NEGR1: variants seen among roughly 807,000 people sequenced by gnomAD.
NEGR1 encodes neuronal growth regulator 1.
NEGR1 carries 10 observed loss-of-function variants against 40.9 expected under a neutral mutation model. The ratio of observed to expected loss-of-function variants is 0.24; its 90% CI spans 0.15 to 0.42. The LOEUF is 0.42. Ranked by LOEUF, NEGR1 falls within the 10% of genes least tolerant of loss-of-function variation. NEGR1 has a pLI of 1.00. For missense variants in NEGR1, 352 were observed against 438.9 expected (o/e 0.80, Z 1.77); for synonymous variants, 185 against 166.8 (o/e 1.11, Z -0.84).
intron 2 of NEGR1, among the ~76,000 whole-genome samples, chr1:71,863,149 A>C (rs961168303): frequency 6.6e-5 from 10 of 152,264 alleles, no homozygotes; most frequent in African/African-American, 2.2e-4. Context: ...ACATGCATGC[A>C]TATGTTCATT....
At chr1:71,576,192 T>C (rs1648961405) in intron 6 of NEGR1, among the ~76,000 whole-genome samples, 1 of 152,148 alleles carries the variant, frequency 6.6e-6, no homozygotes, top group Admixed American at 6.5e-5. Flanking sequence ...GCTGGAAAAG[T>C]GAATCTTGAC....
chr1:71,431,147 T>C (rs1226783079), intron 6 of NEGR1, among the ~76,000 whole-genome samples: 2 of 150,872 alleles, frequency 1.3e-5, no homozygotes, highest in Non-Finnish European at 2.9e-5. Context: ...GCAATAAATA[T>C]GTATTCCCTG....
intron 4 of NEGR1, among the ~76,000 whole-genome samples, chr1:71,686,646 T>C (rs1024577662): frequency 1.3e-5 from 2 of 152,130 alleles, no homozygotes; most frequent in African/African-American, 4.8e-5. Flanking sequence ...GACAATGTAG[T>C]CCAAGCAGTA....
intron 1 of NEGR1, among the ~76,000 whole-genome samples, chr1:72,077,141 G>T (rs1489438395): frequency 6.6e-6 from 1 of 151,800 alleles, no homozygotes. Context: ...TGATCCATCC[G>T]CCTCGGCCTC....
chr1:71,629,094 G>T (rs1650886571), intron 4 of NEGR1, among the ~76,000 whole-genome samples: 1 of 150,948 alleles, frequency 6.6e-6, no homozygotes, highest in Non-Finnish European at 1.5e-5. Context: ...CTTTTTACTG[G>T]TTGCCATTCT....
intron 5 of NEGR1, among the ~76,000 whole-genome samples, chr1:71,609,882 C>T (rs1476298895): frequency 6.6e-6 from 1 of 152,182 alleles, no homozygotes; most frequent in Non-Finnish European, 1.5e-5. Flanking sequence ...GTGATTAGAT[C>T]ATGGGGGCAG....
chr1:71,532,814 G>T (rs1031083562), intron 6 of NEGR1, among the ~76,000 whole-genome samples: 3 of 151,566 alleles, frequency 2.0e-5, no homozygotes, highest in African/African-American at 4.8e-5. Flanking sequence ...AGAAGGTCTT[G>T]TTTAATGGAA....
chr1:71,474,730 A>AC (rs1448563828), intron 6 of NEGR1, among the ~76,000 whole-genome samples: 2 of 150,576 alleles, frequency 1.3e-5, no homozygotes, highest in East Asian at 3.9e-4. Flanking sequence ...AAAAAAAAAA[A>AC]AAAAAAAACA....
rs553657434 is a variant in NEGR1, at chr1:71,569,070, C to T, written c.940+23747G>A. Among the ~76,000 whole-genome samples, 161 of 152,114 alleles carry T rather than the reference C, an allele frequency of 1.1e-3. 1 individual carries two copies. The highest frequency in any genetic ancestry group is 2.0e-3 in the Non-Finnish European group (133 of 67,994). On this transcript the variant is annotated intron_variant, in intron 6 of 6. Coordinates refer to ENST00000357731, the MANE Select transcript of NEGR1 (RefSeq NM_173808.3). ...TAGCTGGGACTACAGGCACATGCCA[C>T]GATGCCCGGCTAATTTTTTGTATTT... is the stretch of plus-strand genomic sequence containing the variant.
rs1287263137 is a variant in NEGR1, at chr1:71,405,857, G to T, written c.*1589C>A. 6.6e-6 allele frequency: 1 copy of T among 152,062 alleles called. No homozygotes were observed. 9.4% of individuals were successfully genotyped at this position (152,062 alleles called of 1,614,324 possible). On this transcript the variant is annotated 3_prime_UTR_variant, in exon 7 of 7. Coordinates refer to ENST00000357731, the MANE Select transcript of NEGR1 (RefSeq NM_173808.3). ...GTAGAAATTTAGGTGTACTGAAATT[G>T]GTAACTTCATCAAACCTGTAAAATG...
At chr1:72,111,177 A>G (rs1000433371) in intron 1 of NEGR1, among the ~76,000 whole-genome samples, 2 of 151,454 alleles carry the variant, frequency 1.3e-5, no homozygotes, top group African/African-American at 4.8e-5. Flanking sequence ...GATACTGAAC[A>G]TGTGTTCCAT....
At chr1:71,977,195 G>A (rs763998497) in intron 1 of NEGR1, among the ~76,000 whole-genome samples, 10 of 151,942 alleles carry the variant, frequency 6.6e-5, no homozygotes, top group South Asian at 4.2e-4. Flanking sequence ...GCATGGTGGC[G>A]TGAACCTGTA....
chr1:72,162,670 A>C (rs577725881), intron 1 of NEGR1, among the ~76,000 whole-genome samples: 1 of 152,248 alleles, frequency 6.6e-6, no homozygotes, highest in African/African-American at 2.4e-5. Flanking sequence ...TAAATTGGTT[A>C]TTGAAAATAC....
chr1:71,944,967 C>A (rs1646003511), intron 1 of NEGR1, among the ~76,000 whole-genome samples: 1 of 151,296 alleles, frequency 6.6e-6, no homozygotes, highest in Non-Finnish European at 1.5e-5. Flanking sequence ...AGGAGTATAC[C>A]CAAGAAGAAA....
Position 71,776,235 on chromosome 1 carries a change from G to A in NEGR1, c.472C>T (p.Leu158Phe), listed in dbSNP as rs375352213. The A allele has an allele frequency of 1.2e-6, 2 of 1,607,832 alleles. No homozygotes were observed. Among genetic ancestry groups the A allele is most frequent in the Non-Finnish European group, 1.7e-6 (2 of 1,176,044 alleles). ...MTVNEGTNVTLTCLATGKPEP... is the reference protein window; with the variant it reads ...MTVNEGTNVTFTCLATGKPEP... ...GGTTTCCCAGTGGCCAAACAAGTAA[G>A]AGTGACGTTGGTTCCTTCATTGACG... Residue 158 changes from leucine (L) to phenylalanine (F), a missense_variant, in exon 3 of 7, where the codon CTT (leucine) becomes TTT (phenylalanine). This residue lies in a region of NEGR1 where 50 missense variants were observed against 53.0 expected (regional missense o/e 0.94). Coordinates refer to ENST00000357731, the MANE Select transcript of NEGR1 (RefSeq NM_173808.3).
At chr1:71,725,909 C>G (rs1238643686) in intron 3 of NEGR1, among the ~76,000 whole-genome samples, 1 of 152,124 alleles carries the variant, frequency 6.6e-6, no homozygotes, top group Non-Finnish European at 1.5e-5. Context: ...CATCTCTCTA[C>G]TTCTACATAA....
chr1:71,526,887 C>T (rs757226462), intron 6 of NEGR1, among the ~76,000 whole-genome samples: 1 of 151,538 alleles, frequency 6.6e-6, no homozygotes, highest in Non-Finnish European at 1.5e-5. Flanking sequence ...CTCAGCCTCA[C>T]TGCACTTTCT....
At chr1:71,959,415 A>T (rs1646145204) in intron 1 of NEGR1, among the ~76,000 whole-genome samples, 1 of 152,170 alleles carries the variant, frequency 6.6e-6, no homozygotes, top group African/African-American at 2.4e-5. Flanking sequence ...ATAAATTACA[A>T]ACATCAATAA....
At position 71,948,496 on chromosome 1, in the gene NEGR1, TGA is replaced by T. The variant is rs200382559; in HGVS notation, c.177-13187_177-13186del. Among the ~76,000 whole-genome samples the T allele has an allele frequency of 6.5e-3, 958 of 148,288 alleles. 4 individuals are homozygous for T. Among genetic ancestry groups the T allele is most frequent in the African/African-American group, 0.021 (839 of 40,488 alleles). Reference sequence around the variant, plus strand: ...TTCAAAAGGGGCGTGTGTGTGTGTGTGAGAGAGAGAGAGAGAGAGAGACAGGA... The same window carrying T: ...TTCAAAAGGGGCGTGTGTGTGTGTGTGAGAGAGAGAGAGAGAGAGACAGGA... On this transcript the variant is annotated intron_variant, in intron 1 of 6. Coordinates refer to ENST00000357731, the MANE Select transcript of NEGR1 (RefSeq NM_173808.3).
Sources: allele counts gnomAD v4.1 joint callset (sites outside exome capture counted in the v4.1 genomes callset), GRCh38; gene constraint gnomAD v4.1.1; regional missense constraint gnomAD v4.1.1; transcripts MANE v1.5; gene names NCBI Gene and HGNC (gene_info 2026-07-23, HGNC 2026-07-21).